LRRC37A2: variants seen among roughly 807,000 people sequenced by gnomAD.
The protein encoded by LRRC37A2 is leucine-rich repeat-containing protein 37A2.
A neutral mutation model predicts 68.8 loss-of-function variants in LRRC37A2; 9 were observed. That is an observed-to-expected ratio of 0.13 (90% confidence interval 0.08 to 0.23). LRRC37A2 has a LOEUF of 0.23. Among genes scored for constraint, LRRC37A2 ranks in the 10% least tolerant of loss-of-function variants. The pLI is 1.00. For synonymous variants in LRRC37A2, 63 were observed against 367.6 expected (o/e 0.17, Z 9.48); for missense variants, 168 against 950.4 (o/e 0.18, Z 10.82).
At chr17:46,494,926 T>C in the LRRC37A2 span, among the ~76,000 whole-genome samples, 1 of 151,152 alleles carries the variant, frequency 6.6e-6, no homozygotes, top group East Asian at 1.9e-4. Context: ...GTATTCCTTC[T>C]ATCTTGCTGA....
At chr17:46,873,107 CACA>C in the LRRC37A2 span, among the ~76,000 whole-genome samples, 16 of 151,584 alleles carry the variant, frequency 1.1e-4, no homozygotes, top group Non-Finnish European at 2.4e-4. Context: ...CACACACACA[CACA>C]CACACACACA....
chr17:46,931,042 G>C, the LRRC37A2 span: 1 of 931,406 alleles, frequency 1.1e-6, no homozygotes, highest in East Asian at 2.4e-5. Flanking sequence ...ATTTATCATT[G>C]TAATTTAAGT....
chr17:46,925,679 A>T, the LRRC37A2 span, among the ~76,000 whole-genome samples: 2 of 152,198 alleles, frequency 1.3e-5, no homozygotes, highest in Non-Finnish European at 2.9e-5. Context: ...GAAATTAGTG[A>T]TTGTAGCTGA....
chr17:46,857,402 G>C, the LRRC37A2 span, among the ~76,000 whole-genome samples: 1 of 149,936 alleles, frequency 6.7e-6, no homozygotes, highest in African/African-American at 2.5e-5. Context: ...TTGAACCCAG[G>C]AGGCAGAGGT....
chr17:46,736,023 C>T, the LRRC37A2 span, among the ~76,000 whole-genome samples: 55 of 152,142 alleles, frequency 3.6e-4, no homozygotes, highest in Non-Finnish European at 5.7e-4. Context: ...CGTATAATAA[C>T]TGCTATATAG....
the LRRC37A2 span, among the ~76,000 whole-genome samples, chr17:46,871,892 C>T: frequency 2.0e-5 from 3 of 152,130 alleles, no homozygotes; most frequent in African/African-American, 7.2e-5. Flanking sequence ...GTACCAGGCA[C>T]CAGGTGGTCA....
chr17:46,864,159 G>A, the LRRC37A2 span, among the ~76,000 whole-genome samples: 23 of 152,212 alleles, frequency 1.5e-4, no homozygotes, highest in Non-Finnish European at 2.8e-4. Context: ...GTGCATTCAA[G>A]AACCTGTCAA....
At chr17:46,728,821 C>G in the LRRC37A2 span, 1 of 1,442,630 alleles carries the variant, frequency 6.9e-7, no homozygotes, top group Non-Finnish European at 9.5e-7. Flanking sequence ...ACATGTGTAT[C>G]AAATCCCTAA....
chr17:47,043,693 C>G, the LRRC37A2 span, among the ~76,000 whole-genome samples: 6 of 142,042 alleles, frequency 4.2e-5, no homozygotes, highest in African/African-American at 1.5e-4. Context: ...AGAATTGGTC[C>G]TATTTTTTTT....
chr17:46,834,396 C>T, the LRRC37A2 span, among the ~76,000 whole-genome samples: 22 of 152,082 alleles, frequency 1.4e-4, no homozygotes, highest in African/African-American at 3.4e-4. Flanking sequence ...CTGGGGAGGG[C>T]GCGCATTAGG....
the LRRC37A2 span, among the ~76,000 whole-genome samples, chr17:46,856,203 T>C: frequency 0.17 from 25,374 of 152,150 alleles, 2,411 homozygotes; most frequent in East Asian, 0.37. Flanking sequence ...CTGTGTGACT[T>C]TAGACAAATG....
the LRRC37A2 span, among the ~76,000 whole-genome samples, chr17:46,749,225 A>ACTTTTT: frequency 6.6e-6 from 1 of 152,220 alleles, no homozygotes; most frequent in Non-Finnish European, 1.5e-5. Flanking sequence ...TAGTTTTTAA[A>ACTTTTT]CTTTTTTTAA....
At chr17:46,925,319 C>T in the LRRC37A2 span, among the ~76,000 whole-genome samples, 4 of 152,188 alleles carry the variant, frequency 2.6e-5, no homozygotes, top group African/African-American at 9.7e-5. Flanking sequence ...ACTATTAGGC[C>T]CTCTGCTACC....
the LRRC37A2 span, among the ~76,000 whole-genome samples, chr17:46,726,819 C>G: frequency 6.6e-6 from 1 of 152,176 alleles, no homozygotes; most frequent in Non-Finnish European, 1.5e-5. Flanking sequence ...GACTATAACA[C>G]CATTATAAAC....
At chr17:46,952,975 A>G in the LRRC37A2 span, 1 of 152,094 alleles carries the variant, frequency 6.6e-6, no homozygotes, top group African/African-American at 2.4e-5. Flanking sequence ...GCTGGCACAC[A>G]ATATTCATTC....
chr17:46,743,007 G>C, the LRRC37A2 span, among the ~76,000 whole-genome samples: 55 of 152,280 alleles, frequency 3.6e-4, no homozygotes, highest in African/African-American at 1.3e-3. Context: ...TTCCTCCTCA[G>C]AAGTTGCTGC....
the LRRC37A2 span, among the ~76,000 whole-genome samples, chr17:46,740,662 CT>C: frequency 0.018 from 2,504 of 136,994 alleles, 57 homozygotes; most frequent in African/African-American, 0.051. Flanking sequence ...TTATCTTTTT[CT>C]TTTTTTTTTT....
chr17:46,945,617 G>C, the LRRC37A2 span, among the ~76,000 whole-genome samples: 2 of 152,138 alleles, frequency 1.3e-5, no homozygotes, highest in African/African-American at 4.8e-5. Context: ...ATGCAGAAGG[G>C]AAGCAGTTCT....
the LRRC37A2 span, among the ~76,000 whole-genome samples, chr17:46,711,529 G>T: frequency 6.6e-6 from 1 of 152,190 alleles, no homozygotes; most frequent in Non-Finnish European, 1.5e-5. Context: ...CCTGACTACG[G>T]TGTATGTGTG....
Sources: gnomAD v4.1 joint callset for allele counts (sites outside exome capture counted in the v4.1 genomes callset) on GRCh38, gnomAD v4.1.1 for gene constraint, MANE v1.5 for transcripts, NCBI Gene and HGNC (gene_info 2026-07-23, HGNC 2026-07-21) for gene names.